Variants in POLD3 observed in about 807,000 individuals in gnomAD.
POLD3 encodes the protein DNA polymerase delta 3, accessory subunit, also known as DNA polymerase delta subunit 3.
In POLD3, 19 loss-of-function variants were observed where a neutral mutation model predicts 58.2. That is an observed-to-expected ratio of 0.33 (90% CI 0.23 to 0.48). The LOEUF (loss-of-function observed/expected upper bound fraction) is 0.48, where lower values mean the gene tolerates loss of function less well. Ranked by LOEUF, POLD3 falls within the 20% of genes least tolerant of loss-of-function variation. The probability of loss-of-function intolerance (pLI) is 0.99; values close to 1 mark genes in which losing one functional copy is unlikely to be tolerated. For synonymous variants in POLD3, 172 were observed against 193.5 expected (o/e 0.89, Z 0.92); for missense variants, 504 against 545.5 (o/e 0.92, Z 0.76).
At chr11:74,629,015 AT>A (rs2032509698) in intron 8 of POLD3, 2 of 392,206 alleles carry the variant, frequency 5.1e-6, no homozygotes, top group Admixed American at 8.7e-5. Flanking sequence ...GAACTTTTTT[AT>A]TCAAGTCACC....
At chr11:74,615,795 G>A (rs560025109) in intron 5 of POLD3, among the ~76,000 whole-genome samples, 79 of 152,196 alleles carry the variant, frequency 5.2e-4, no homozygotes, top group African/African-American at 1.7e-3. Flanking sequence ...ATGAGAATAG[G>A]GATCGTGTCT....
intron 8 of POLD3, among the ~76,000 whole-genome samples, chr11:74,626,408 G>T (rs1009225405): frequency 6.6e-6 from 1 of 152,164 alleles, no homozygotes; most frequent in Non-Finnish European, 1.5e-5. Context: ...GATTGAGGAA[G>T]TTGTTTTTTG....
chr11:74,661,751 G>A (rs980726131), intron 4 of POLD3, among the ~76,000 whole-genome samples: 3 of 152,212 alleles, frequency 2.0e-5, no homozygotes, highest in Non-Finnish European at 4.4e-5. Context: ...AGCCAGCCAG[G>A]TTTGTGTCCT....
At chr11:74,620,446 T>C (rs2032217701) in intron 7 of POLD3, among the ~76,000 whole-genome samples, 1 of 152,182 alleles carries the variant, frequency 6.6e-6, no homozygotes, top group African/African-American at 2.4e-5. Flanking sequence ...ACGTGGATGC[T>C]AGAGTCAGTT....
chr11:74,631,543 G>A (rs969046685), intron 9 of POLD3, among the ~76,000 whole-genome samples: 4 of 144,490 alleles, frequency 2.8e-5, no homozygotes, highest in African/African-American at 1.0e-4. Flanking sequence ...GCAGTGGTGC[G>A]ATGCGATCTC....
exon 5 of POLD3, chr11:74,668,873 C>A (rs942344169): frequency 9.7e-6 from 10 of 1,031,092 alleles, no homozygotes; most frequent in Non-Finnish European, 1.3e-5. Flanking sequence ...ATCTGAAGAT[C>A]TCAAGCCTCG....
intron 4 of POLD3, among the ~76,000 whole-genome samples, chr11:74,656,602 TC>T (rs1430328723): frequency 6.6e-6 from 1 of 152,104 alleles, no homozygotes; most frequent in Non-Finnish European, 1.5e-5. Context: ...AAAAAATTCT[TC>T]ATTTCTTCAT....
chr11:74,661,454 A>G (rs1214232273), intron 4 of POLD3, among the ~76,000 whole-genome samples: 2 of 152,240 alleles, frequency 1.3e-5, no homozygotes, highest in East Asian at 3.9e-4. Flanking sequence ...TTAGACTCGT[A>G]GAGTCTTCGG....
At chr11:74,624,917 G>T (rs2032382791) in intron 7 of POLD3, among the ~76,000 whole-genome samples, 1 of 152,124 alleles carries the variant, frequency 6.6e-6, no homozygotes, top group Admixed American at 6.5e-5. Context: ...GTGAAGCGGG[G>T]TTTGAACCAA....
rs771381438 is a variant in POLD3 at position 74,642,575 on chromosome 11, A to G, written c.*1809A>G. The stretch of plus-strand genomic sequence containing the variant: ...GGAGTTCCATCTTGCAAGGGATAAT[A>G]CAAATCCTATGATCTCTATGCCCAA... On this transcript the variant is annotated 3_prime_UTR_variant, in exon 12 of 12. Transcript: ENST00000263681. The G allele has an allele frequency of 1.2e-4, 121 of 985,254 alleles. No individual in the cohort carries two copies. The highest frequency in any genetic ancestry group is 6.1e-5 in the Admixed American group (1 of 16,272). The allele number at this position is 985,254 out of a possible 1,614,324, so 61.0% of individuals were successfully genotyped here.
intron 4 of POLD3, among the ~76,000 whole-genome samples, chr11:74,654,441 A>C (rs1565134037): frequency 6.6e-6 from 1 of 152,242 alleles, no homozygotes; most frequent in Non-Finnish European, 1.5e-5. Context: ...ACAAGTAGAT[A>C]AATCTGTAAT....
chr11:74,656,632 G>A (rs2033139672), intron 4 of POLD3, among the ~76,000 whole-genome samples: 1 of 152,010 alleles, frequency 6.6e-6, no homozygotes, highest in Non-Finnish European at 1.5e-5. Flanking sequence ...TGGTCATTCA[G>A]GAGCATGTAG....
At chr11:74,610,966 G>A (rs566988838) in intron 3 of POLD3, among the ~76,000 whole-genome samples, 1 of 152,138 alleles carries the variant, frequency 6.6e-6, no homozygotes, top group East Asian at 1.9e-4. Flanking sequence ...GTAGAGACAG[G>A]GTCTCACCAT....
At chr11:74,630,326 GA>G (rs200388359) in intron 9 of POLD3, among the ~76,000 whole-genome samples, 5 of 147,990 alleles carry the variant, frequency 3.4e-5, no homozygotes, top group Admixed American at 6.7e-5. Flanking sequence ...ACAAGTGAGT[GA>G]AAAAAAAACA....
rs546286585 is a variant in POLD3 at position 74,666,393 on chromosome 11, G to A, written c.370-2384G>A. ...CCCAGCACTTTGGGAGGCCGAGGCA[G>A]GTGGATCACCTGAGGTCAGGAGTTC... is the stretch of plus-strand genomic sequence containing the variant. On this transcript the variant is annotated intron_variant, in intron 4 of 4. Coordinates refer to the POLD3 transcript ENST00000524752. 2.6e-5 allele frequency among the ~76,000 whole-genome samples: 4 copies of A among 152,324 alleles called. No individual in the cohort carries two copies. In the South Asian group the frequency reaches 6.2e-4, roughly 24 times the overall value.
intron 8 of POLD3, among the ~76,000 whole-genome samples, chr11:74,628,477 G>A (rs2032496268): frequency 6.6e-6 from 1 of 152,076 alleles, no homozygotes; most frequent in African/African-American, 2.4e-5. Flanking sequence ...ATTATGTCTT[G>A]TATATATTTG....
intron 5 of POLD3, among the ~76,000 whole-genome samples, chr11:74,613,897 T>G (rs2031996220): frequency 6.6e-6 from 1 of 152,056 alleles, no homozygotes; most frequent in Non-Finnish European, 1.5e-5. Flanking sequence ...CACTTTTGGA[T>G]GGATAGAGTG....
At chr11:74,664,516 G>A (rs1004532818) in intron 4 of POLD3, among the ~76,000 whole-genome samples, 14 of 152,210 alleles carry the variant, frequency 9.2e-5, no homozygotes, top group Admixed American at 7.2e-4. Flanking sequence ...AATTAGAAGA[G>A]GAGAGAACAT....
At chr11:74,617,680 G>A (rs2032121577) in intron 5 of POLD3, among the ~76,000 whole-genome samples, 1 of 152,114 alleles carries the variant, frequency 6.6e-6, no homozygotes, top group Non-Finnish European at 1.5e-5. Context: ...GATTACAGGC[G>A]TGAGCCACTG....
Sources: allele counts gnomAD v4.1 joint callset (sites outside exome capture counted in the v4.1 genomes callset), GRCh38; gene constraint gnomAD v4.1.1; transcripts MANE v1.5; gene names NCBI Gene and HGNC (gene_info 2026-07-23, HGNC 2026-07-21).